The following SACM1L variants were observed in gnomAD, a reference collection of about 807,000 sequenced individuals.
SACM1L encodes SAC1 like phosphatidylinositide phosphatase.
Under a neutral mutation model 89.5 loss-of-function variants are expected in SACM1L, and 32 were observed. That is an observed-to-expected ratio of 0.36 (90% CI 0.27 to 0.48). The LOEUF is 0.48. Ranked by LOEUF, SACM1L falls within the 20% of genes least tolerant of loss-of-function variation. The pLI, the probability that SACM1L is intolerant of heterozygous loss-of-function variation, is 0.99. For missense variants in SACM1L, 543 were observed against 708.5 expected (o/e 0.77, Z 2.65); for synonymous variants, 213 against 232.8 (o/e 0.92, Z 0.77).
At chr3:45,735,077 C>T (rs1243089528) in intron 13 of SACM1L, 158 bp from the exon 14 acceptor site, 1 of 641,904 alleles carries the variant, frequency 1.6e-6, no homozygotes, top group Non-Finnish European at 2.4e-6. Context: ...TCTTTTTGGT[C>T]TAGGATAATC....
At chr3:45,700,783 A>G (rs994617708) in intron 1 of SACM1L, among the ~76,000 whole-genome samples, 5 of 152,112 alleles carry the variant, frequency 3.3e-5, no homozygotes, top group Admixed American at 6.5e-5. Flanking sequence ...AGCGATTCTC[A>G]TGCCTTAGCC....
In SACM1L at chr3:45,721,001, G is replaced by C. The variant is rs536348878; in HGVS notation, c.680-999G>C. 1.6e-4 allele frequency among the ~76,000 whole-genome samples: 25 copies of C among 152,292 alleles called. No homozygotes were observed. In the East Asian group the frequency reaches 4.8e-3, roughly 29 times the overall value. On this transcript the variant is annotated intron_variant, in intron 8 of 19. Coordinates refer to ENST00000389061, the MANE Select transcript of SACM1L (RefSeq NM_014016.5). ...GCCTTTGCTTAGCAAGCGTTTCTTT[G>C]TAAAAATAGATTACGTAAACAAATT...
chr3:45,713,886 A>G, intron 6 of SACM1L, 160 bp from the exon 7 acceptor site: 1 of 358,422 alleles, frequency 2.8e-6, no homozygotes, highest in East Asian at 4.5e-5. Context: ...ATTGTAATGC[A>G]TACTTAATGT....
chr3:45,702,492 T>G lies in SACM1L; in HGVS notation c.33-946T>G, dbSNP rs534636210. Among the ~76,000 whole-genome samples the G allele has an allele frequency of 6.6e-5, 10 of 152,300 alleles. No individual in the cohort carries two copies. In the South Asian group the frequency reaches 1.9e-3, roughly 28 times the overall value. On this transcript the variant is annotated intron_variant, in intron 1 of 19. Transcript: ENST00000389061. ...AAAGAAATAGTTCTTGGACTCAGCC[T>G]CCCTCCCCAGCCTTGCTCAGCTTCT...
chr3:45,731,856 A>G (rs1699062042), intron 12 of SACM1L, among the ~76,000 whole-genome samples, 197 bp from the exon 13 acceptor site: 2 of 152,154 alleles, frequency 1.3e-5, no homozygotes, highest in Admixed American at 6.6e-5. Context: ...TTCCTCTGCT[A>G]GGTATGAGCA....
At chr3:45,728,448 T>C (rs1055428698) in intron 11 of SACM1L, among the ~76,000 whole-genome samples, 8 of 152,182 alleles carry the variant, frequency 5.3e-5, no homozygotes, top group African/African-American at 1.7e-4. Flanking sequence ...CGTTTGTGTA[T>C]ATTCTATAGC....
chr3:45,719,880 G>T (rs989914278), intron 8 of SACM1L, among the ~76,000 whole-genome samples: 3 of 152,152 alleles, frequency 2.0e-5, no homozygotes, highest in Non-Finnish European at 4.4e-5. Context: ...GCTGAACTCA[G>T]TGTAGTTTTC....
At chr3:45,716,253 C>G (rs1575398251) in intron 7 of SACM1L, among the ~76,000 whole-genome samples, 1 of 151,990 alleles carries the variant, frequency 6.6e-6, no homozygotes, top group East Asian at 1.9e-4. Flanking sequence ...GCAGGAGGAT[C>G]CTTTGAGGCC....
intron 11 of SACM1L, among the ~76,000 whole-genome samples, chr3:45,725,708 G>A (rs1472093129): frequency 6.6e-6 from 1 of 150,466 alleles, no homozygotes; most frequent in East Asian, 1.9e-4. Context: ...TGCCTAATTG[G>A]TGTTGCTAGA....
At chr3:45,736,444 A>C (rs1699198241) in intron 14 of SACM1L, among the ~76,000 whole-genome samples, 1 of 152,220 alleles carries the variant, frequency 6.6e-6, no homozygotes, top group African/African-American at 2.4e-5. Flanking sequence ...TCAGGTAATT[A>C]GTAAGCATTC....
At chr3:45,724,367 G>A (rs145949979) in intron 11 of SACM1L, among the ~76,000 whole-genome samples, 2 of 151,554 alleles carry the variant, frequency 1.3e-5, no homozygotes, top group African/African-American at 2.4e-5. Flanking sequence ...GTGTGGAGTG[G>A]TGTTGAGTTG....
chr3:45,694,948 G>A (rs1042030771), intron 1 of SACM1L, among the ~76,000 whole-genome samples: 1 of 152,148 alleles, frequency 6.6e-6, no homozygotes, highest in Non-Finnish European at 1.5e-5. Context: ...GGAACACAGA[G>A]TTTTGAGAAA....
Position 45,706,545 on chromosome 3 carries a change from CT to C in SACM1L, c.206-231del, listed in dbSNP as rs530993299. Among the ~76,000 whole-genome samples the C allele has an allele frequency of 4.3e-3, 655 of 152,166 alleles. 6 individuals carry two copies. The highest frequency in any genetic ancestry group is 0.015 in the African/African-American group (612 of 41,504). ...AGACAAATCCTTTGGTTATGAAAAG[CT>C]TTTGCTTTTATCTTTTTTGAGAAAA... On this transcript the variant is annotated intron_variant, in intron 3 of 19. Transcript: ENST00000389061.
chr3:45,701,498 A>C (rs1346868090), intron 1 of SACM1L, among the ~76,000 whole-genome samples: 2 of 152,300 alleles, frequency 1.3e-5, no homozygotes, highest in Non-Finnish European at 2.9e-5. Flanking sequence ...TCTTCTGTAG[A>C]TACGGACTGA....
rs369895242 is a variant in SACM1L, at chr3:45,724,243, A to G, written c.921+700A>G. Among the ~76,000 whole-genome samples, 32 of 151,776 alleles carry G rather than the reference A, an allele frequency of 2.1e-4. No individual in the cohort carries two copies. In the East Asian group the frequency reaches 5.1e-3, roughly 24 times the overall value. On this transcript the variant is annotated intron_variant, in intron 11 of 19. Coordinates refer to ENST00000389061, the MANE Select transcript of SACM1L (RefSeq NM_014016.5). ...GCTGCACCATTTTGTATTCCCACCAACAATACACCAGAGTTCCAGTTTCTT... is the reference window on the plus strand; with the variant it reads ...GCTGCACCATTTTGTATTCCCACCAGCAATACACCAGAGTTCCAGTTTCTT...
intron 3 of SACM1L, 112 bp from the exon 4 acceptor site, chr3:45,706,668 G>T: frequency 2.4e-6 from 2 of 817,554 alleles, no homozygotes; most frequent in Non-Finnish European, 3.7e-6. Flanking sequence ...TATCTGAGTG[G>T]CACAATATAG....
rs1343967519 is a variant in SACM1L at position 45,706,770 on chromosome 3, C to CT, written c.206-5dup. The CT allele has an allele frequency of 6.3e-7, 1 of 1,590,112 alleles. No homozygotes were observed. The highest frequency in any genetic ancestry group is 1.8e-5 in the Admixed American group (1 of 56,026). On this transcript the variant is annotated splice_polypyrimidine_tract_variant and intron_variant, in intron 3 of 19. Transcript: ENST00000389061. ...TTTATAATTATGTGTGTTTGGCTTG[C>CT]TTTTTGCAGGTAATTATCTTATAGT...
In SACM1L at chr3:45,737,483, C is replaced by T; in HGVS notation, c.1240-100C>T. 2.6e-6 allele frequency: 3 copies of T among 1,164,758 alleles called. No homozygotes were observed. The South Asian group carries it at 4.0e-5, about 15-fold the overall frequency. The allele number at this position is 1,164,758 out of a possible 1,614,324, so 72.2% of individuals were successfully genotyped here. ...GACATTTCTGGCCTGCATCCAGCAA[C>T]CAGGCACCATGAGATAAAATTTGGG... On this transcript the variant is annotated intron_variant, in intron 14 of 19. Coordinates refer to ENST00000389061, the MANE Select transcript of SACM1L (RefSeq NM_014016.5).
At chr3:45,742,216 C>A (rs1396367561) in intron 19 of SACM1L, among the ~76,000 whole-genome samples, 1 of 152,122 alleles carries the variant, frequency 6.6e-6, no homozygotes, top group Non-Finnish European at 1.5e-5. Context: ...TTTTAAACTT[C>A]AGAGCCATGA....
Sources: gnomAD v4.1 joint callset for allele counts (sites outside exome capture counted in the v4.1 genomes callset) on GRCh38, gnomAD v4.1.1 for gene constraint, MANE v1.5 for transcripts, NCBI Gene and HGNC (gene_info 2026-07-23, HGNC 2026-07-21) for gene names.